DPP6: variants seen among roughly 807,000 people sequenced by gnomAD.
The protein encoded by DPP6 is dipeptidyl peptidase like 6.
A neutral mutation model predicts 122.6 loss-of-function variants in DPP6; 69 were observed. The observed-to-expected ratio is 0.56, with a 90% CI of 0.46 to 0.69. DPP6 has a LOEUF of 0.69. DPP6 is among the 30% of genes least tolerant of loss of function. The pLI, the probability that DPP6 is intolerant of heterozygous loss-of-function variation, is 0.00. For missense variants in DPP6, 928 were observed against 1,116.9 expected (o/e 0.83, Z 2.41); for synonymous variants, 418 against 433.1 (o/e 0.97, Z 0.43).
chr7:154,058,637 G>C (rs1801166813), intron 1 of DPP6: 1 of 149,452 alleles, frequency 6.7e-6, no homozygotes, highest in Non-Finnish European at 1.5e-5. Context: ...CCACATCGTT[G>C]ATCCTAAGAT....
chr7:154,554,854 G>A (rs1281915770), intron 4 of DPP6, among the ~76,000 whole-genome samples: 1 of 151,940 alleles, frequency 6.6e-6, no homozygotes, highest in Non-Finnish European at 1.5e-5. Flanking sequence ...TTAAATATCA[G>A]GAAATCAATC....
intron 1 of DPP6, among the ~76,000 whole-genome samples, chr7:153,920,988 G>A (rs1387993169): frequency 1.3e-5 from 2 of 152,200 alleles, no homozygotes; most frequent in Non-Finnish European, 2.9e-5. Context: ...CTACCCACAC[G>A]ATCCTGAAGT....
intron 5 of DPP6, among the ~76,000 whole-genome samples, chr7:154,573,166 C>A (rs1286920521): frequency 6.6e-6 from 1 of 152,108 alleles, no homozygotes; most frequent in African/African-American, 2.4e-5. Context: ...GTCTACAGAG[C>A]CTTTCCTGGG....
intron 1 of DPP6, among the ~76,000 whole-genome samples, chr7:154,178,583 T>C (rs115745191): frequency 2.0e-4 from 30 of 151,830 alleles, no homozygotes; most frequent in African/African-American, 6.8e-4. Context: ...GCGAGAGCAG[T>C]AAAAACACGT....
At chr7:153,862,202 C>T in the DPP6 span, among the ~76,000 whole-genome samples, 1 of 152,154 alleles carries the variant, frequency 6.6e-6, no homozygotes, top group Non-Finnish European at 1.5e-5. Context: ...GTAACAAATA[C>T]AGCTGGAAAA....
chr7:154,016,160 T>C (rs1398286076), intron 1 of DPP6, among the ~76,000 whole-genome samples: 1 of 152,160 alleles, frequency 6.6e-6, no homozygotes, highest in Non-Finnish European at 1.5e-5. Flanking sequence ...CCTTGACCAC[T>C]CTACCTAAAA....
rs1281130087 is a variant in DPP6 at position 154,483,265 on chromosome 7, C to T, written c.457+8228C>T. ...TAAATGAAAAACCACCCCACGGTGGCCACGCACCTCTTCCTGGCTCACAGC... is the reference window on the plus strand; with the variant it reads ...TAAATGAAAAACCACCCCACGGTGGTCACGCACCTCTTCCTGGCTCACAGC... On this transcript the variant is annotated intron_variant, in intron 3 of 25. Transcript: ENST00000377770. This position sits in a 1 kb window ranked among gnomAD's most constrained non-coding sequence, Gnocchi z 8.1. 1.3e-5 allele frequency among the ~76,000 whole-genome samples: 2 copies of T among 152,150 alleles called. No individual in the cohort carries two copies. Among genetic ancestry groups the T allele is most frequent in the Admixed American group, 6.5e-5 (1 of 15,288 alleles).
At chr7:154,040,827 A>C (rs907968068) in intron 1 of DPP6, among the ~76,000 whole-genome samples, 2 of 151,152 alleles carry the variant, frequency 1.3e-5, no homozygotes, top group African/African-American at 4.9e-5. Context: ...TGCGTGCTAC[A>C]TGGCCTGTGC....
intron 3 of DPP6, among the ~76,000 whole-genome samples, chr7:154,531,780 G>A (rs541684779): frequency 1.1e-4 from 17 of 152,112 alleles, no homozygotes; most frequent in African/African-American, 2.6e-4. Flanking sequence ...AAGTGGACAC[G>A]GACCTGAAAG....
rs961930409 is a variant in DPP6, at chr7:154,821,615, A to T, written c.1666+14503A>T. Among the ~76,000 whole-genome samples, 22 of 43,870 alleles carry T rather than the reference A, an allele frequency of 5.0e-4. No homozygotes were observed. Among genetic ancestry groups the T allele is most frequent in the African/African-American group, 1.6e-3 (22 of 13,504 alleles). The allele number at this position is 43,870 out of a possible 152,430, so 28.8% of individuals were successfully genotyped here. A position where few individuals can be genotyped will look rare whatever the true frequency, so the allele number is the denominator to read the frequency against. ...AAATGTTAAGTGAATATATATATAT[A>T]TATTTTTTTTCTGTATATATATATA... On this transcript the variant is annotated intron_variant, in intron 16 of 25. Coordinates refer to ENST00000377770, the MANE Select transcript of DPP6 (RefSeq NM_130797.4). This position sits in a 1 kb window ranked among gnomAD's most constrained non-coding sequence, Gnocchi z 4.2.
At chr7:154,810,055 C>T (rs1798953578) in intron 16 of DPP6, among the ~76,000 whole-genome samples, 1 of 152,230 alleles carries the variant, frequency 6.6e-6, no homozygotes, top group Non-Finnish European at 1.5e-5. Context: ...AGGGTTTTGC[C>T]ATGTTGGCCA....
rs79156657 is a variant in DPP6 at position 154,642,133 on chromosome 7, A to G, written c.680+4260A>G. ...GTAGATATCTAGGTCGAGAATGTAC[A>G]GTGCCCAGTGCCAGCCTAATAGCAT... On this transcript the variant is annotated intron_variant, in intron 6 of 25. Transcript: ENST00000377770. Among the ~76,000 whole-genome samples, 1,059 of 152,332 alleles carry G rather than the reference A, an allele frequency of 7.0e-3. 16 individuals carry two copies. Among genetic ancestry groups the G allele is most frequent in the Non-Finnish European group, 7.3e-3 (498 of 68,026 alleles).
chr7:154,159,623 C>T (rs1796871981), intron 1 of DPP6, among the ~76,000 whole-genome samples: 1 of 152,280 alleles, frequency 6.6e-6, no homozygotes, highest in South Asian at 2.1e-4. Context: ...TAACATCATC[C>T]AGTCTGCCTC....
chr7:153,905,232 AT>A (rs1799799828), intron 1 of DPP6, among the ~76,000 whole-genome samples: 1 of 152,138 alleles, frequency 6.6e-6, no homozygotes, highest in Admixed American at 6.5e-5. Context: ...TTTAGGTTTT[AT>A]GGCTGGCTTT....
chr7:154,010,266 C>T (rs1431119157), intron 1 of DPP6, among the ~76,000 whole-genome samples: 5 of 152,220 alleles, frequency 3.3e-5, no homozygotes, highest in African/African-American at 1.2e-4. Flanking sequence ...AAATCTGCCT[C>T]AGCAAACATG....
At chr7:154,517,741 T>C (rs558310223) in intron 3 of DPP6, among the ~76,000 whole-genome samples, 6 of 152,212 alleles carry the variant, frequency 3.9e-5, no homozygotes, top group Non-Finnish European at 7.4e-5. Context: ...GGAGATCACA[T>C]GGAAATGACA....
intron 1 of DPP6, among the ~76,000 whole-genome samples, chr7:154,210,271 C>T (rs12703325): frequency 0.58 from 88,094 of 151,864 alleles, 28,466 homozygotes; most frequent in Non-Finnish European, 0.71. Context: ...TGGCAGGGGG[C>T]GTGATGTCCC....
At chr7:154,828,981 C>G (rs537277771) in intron 16 of DPP6, among the ~76,000 whole-genome samples, 1 of 152,222 alleles carries the variant, frequency 6.6e-6, no homozygotes, top group Non-Finnish European at 1.5e-5. Flanking sequence ...GTCATGCTAT[C>G]ATCAATAATG....
At chr7:154,740,315 G>A (rs1408126705) in intron 8 of DPP6, among the ~76,000 whole-genome samples, 5 of 134,118 alleles carry the variant, frequency 3.7e-5, no homozygotes, top group East Asian at 2.1e-4. Flanking sequence ...TTTTTTTTCC[G>A]TCTTCTTAAG....
Sources: allele counts gnomAD v4.1 joint callset (sites outside exome capture counted in the v4.1 genomes callset), GRCh38; gene constraint gnomAD v4.1.1; non-coding constraint Gnocchi (gnomAD v3.1); transcripts MANE v1.5; gene names NCBI Gene and HGNC (gene_info 2026-07-23, HGNC 2026-07-21).